The following PHKG1 variants were observed in gnomAD, a reference collection of about 807,000 sequenced individuals.
PHKG1 encodes the protein phosphorylase b kinase gamma catalytic chain, skeletal muscle/heart isoform.
A neutral mutation model predicts 50.5 loss-of-function variants in PHKG1; 48 were observed. That is an observed-to-expected ratio of 0.95 (90% confidence interval 0.75 to 1.21). The LOEUF (loss-of-function observed/expected upper bound fraction) is 1.21, where lower values mean the gene tolerates loss of function less well. Ranked by LOEUF, PHKG1 falls within the 50% of genes most tolerant of loss-of-function variation. The pLI, the probability that PHKG1 is intolerant of heterozygous loss-of-function variation, is 0.00. For missense variants in PHKG1, 487 were observed against 519.5 expected (o/e 0.94, Z 0.61); for synonymous variants, 204 against 212.8 (o/e 0.96, Z 0.36).
In PHKG1 at chr7:56,087,015, T is replaced by C. The variant is rs149238442; in HGVS notation, c.272A>G (p.Lys91Arg). The C allele has an allele frequency of 4.7e-5, 76 of 1,612,992 alleles. No homozygotes were observed. The highest frequency in any genetic ancestry group is 6.0e-5 in the Non-Finnish European group (71 of 1,179,414). Reference protein sequence around the residue: ...VSGHPNIIQLKDTYETNTFFF... With the variant: ...VSGHPNIIQLRDTYETNTFFF... ...GAAAGTGTTGGTCTCATAAGTGTCC[T>C]TCAGCTGTACTGAAATGGAAATGGC... Residue 91 changes from lysine to arginine, a missense_variant, in exon 4 of 10, where the codon AAG becomes AGG. By Grantham distance (26) the Lys-to-Arg change is conservative. Coordinates refer to ENST00000297373, the MANE Select transcript of PHKG1 (RefSeq NM_006213.5).
rs74594638 is a variant in PHKG1, at chr7:56,086,869, C to T, written c.317+101G>A. On this transcript the variant is annotated intron_variant, in intron 4 of 9. Transcript: ENST00000297373. ...CCGTGATTGTATTTGGCATCCTCAG[C>T]GCAGGAGCTGGCTGTGGTCTCCAGG... 4.1e-4 allele frequency: 367 copies of T among 888,480 alleles called. No homozygotes were observed. In the African/African-American group the frequency reaches 5.0e-3, roughly 12 times the overall value. The allele number at this position is 888,480 out of a possible 1,614,324, so 55.0% of individuals were successfully genotyped here.
At chr7:56,086,680 A>G (rs1353471040) in intron 4 of PHKG1, among the ~76,000 whole-genome samples, 1 of 152,032 alleles carries the variant, frequency 6.6e-6, no homozygotes, top group East Asian at 1.9e-4. Flanking sequence ...GCCCGCCTGT[A>G]GCTAATAATT....
intron 5 of PHKG1, 29 bp downstream of exon 5, chr7:56,083,621 A>G (rs1796123710): frequency 6.4e-7 from 1 of 1,559,790 alleles, no homozygotes. Context: ...CGTGGGAGGG[A>G]GCGGAGAGAA....
At chr7:56,086,083 G>A (rs1177264892) in intron 4 of PHKG1, among the ~76,000 whole-genome samples, 1 of 151,116 alleles carries the variant, frequency 6.6e-6, no homozygotes, top group Non-Finnish European at 1.5e-5. Context: ...GGTGCTGACC[G>A]ACCTTACATC....
chr7:56,082,342 TA>T, intron 6 of PHKG1, 89 bp from the exon 7 acceptor site: 1 of 1,030,038 alleles, frequency 9.7e-7, no homozygotes, highest in Admixed American at 2.1e-5. Flanking sequence ...TCTATAATCC[TA>T]GCACTTTGGG....
Position 56,088,918 on chromosome 7 carries a change from C to T in PHKG1, c.24G>A (p.Pro8=), listed in dbSNP as rs145267350. 4.1e-5 allele frequency: 66 copies of T among 1,613,396 alleles called. No homozygotes were observed. The highest frequency in any genetic ancestry group is 1.6e-4 in the African/African-American group (12 of 74,992). The change falls in exon 2 of 10, where the codon CCG becomes CCA. Residue 8 remains proline, a synonymous_variant. Coordinates refer to ENST00000297373, the MANE Select transcript of PHKG1 (RefSeq NM_006213.5). ...AGAAGTCCTGTGCAGAATGAGAGTC[C>T]GGCAGTGCCTCGTCCCGGGTCATGC... The part of the protein sequence containing the change: MTRDEAL[P]DSHSAQDFYE...
intron 1 of PHKG1, among the ~76,000 whole-genome samples, chr7:56,089,314 C>T (rs1209669861): frequency 2.0e-5 from 3 of 151,606 alleles, no homozygotes; most frequent in South Asian, 4.2e-4. Context: ...GCAGGAGAAT[C>T]GCTTGAACCC....
intron 6 of PHKG1, 38 bp from the exon 7 acceptor site, chr7:56,082,291 C>G (rs1390452766): frequency 2.6e-6 from 4 of 1,528,762 alleles, no homozygotes. Context: ...GTCAGCAGGG[C>G]ACTCAGAAGA....
chr7:56,086,805 A>G, intron 4 of PHKG1, 165 bp downstream of exon 4: 3 of 617,880 alleles, frequency 4.9e-6, no homozygotes, highest in Non-Finnish European at 5.9e-6. Context: ...AGGTTTCCAA[A>G]GCCGGCAGCC....
intron 6 of PHKG1, among the ~76,000 whole-genome samples, chr7:56,082,783 A>ATGGGAACC (rs1796073359): frequency 6.6e-6 from 1 of 152,042 alleles, no homozygotes; most frequent in African/African-American, 2.4e-5. Context: ...AACAAGGGTA[A>ATGGGAACC]TGGGAACCTG....
At chr7:56,089,273 G>A (rs942232782) in intron 1 of PHKG1, among the ~76,000 whole-genome samples, 3 of 151,784 alleles carry the variant, frequency 2.0e-5, no homozygotes, top group Non-Finnish European at 2.9e-5. Flanking sequence ...GGTGGCACAC[G>A]CTTGTAGTCT....
At chr7:56,088,053 TGAGAC>T (rs1796343690) in intron 2 of PHKG1, among the ~76,000 whole-genome samples, 1 of 131,196 alleles carries the variant, frequency 7.6e-6, no homozygotes. Flanking sequence ...TTTTTTTTTT[TGAGAC>T]GGAGTCTCGC....
At chr7:56,090,093 G>GT (rs769633640) in intron 1 of PHKG1, among the ~76,000 whole-genome samples, 1 of 151,982 alleles carries the variant, frequency 6.6e-6, no homozygotes, top group East Asian at 1.9e-4. Context: ...CCTTCCTCAT[G>GT]TTTTTTTGTT....
In PHKG1 at chr7:56,081,746, A is replaced by T; in HGVS notation, c.802T>A (p.Phe268Ile). The T allele has an allele frequency of 1.2e-6, 2 of 1,613,530 alleles. No individual in the cohort carries two copies. The highest frequency in any genetic ancestry group is 1.7e-6 in the Non-Finnish European group (2 of 1,179,672). The change falls in exon 9 of 10, where the codon TTC (phenylalanine) becomes ATC (isoleucine). Residue 268 changes from phenylalanine (F) to isoleucine (I), a missense_variant. By Grantham distance (21) the Phe-to-Ile change is conservative (BLOSUM62 0). Coordinates refer to ENST00000297373, the MANE Select transcript of PHKG1 (RefSeq NM_006213.5). The surrounding 1 kb of genome is among the most constrained non-coding windows in gnomAD (Gnocchi z 4.6). The part of the protein sequence containing the change: ...SDTVKDLVSR[F>I]LVVQPQNRYT... Reference sequence around the variant, plus strand: ...CGGTTCTGGGGTTGCACCACCAGGAATCGGGAGACCTGTGAGAGGAGGAGA... The same window carrying T: ...CGGTTCTGGGGTTGCACCACCAGGATTCGGGAGACCTGTGAGAGGAGGAGA...
At chr7:56,086,498 T>G (rs1331940588) in intron 4 of PHKG1, among the ~76,000 whole-genome samples, 28 of 152,068 alleles carry the variant, frequency 1.8e-4, no homozygotes, top group Admixed American at 1.8e-3. Context: ...TGTTTTGTTT[T>G]TGTTTTTGAG....
intron 1 of PHKG1, among the ~76,000 whole-genome samples, chr7:56,091,198 G>A (rs1367884036): frequency 6.6e-6 from 1 of 151,750 alleles, no homozygotes; most frequent in Non-Finnish European, 1.5e-5. Flanking sequence ...AGGTGACGGA[G>A]TGAGTGAGAC....
chr7:56,081,885 C>T lies in PHKG1; in HGVS notation c.792+8G>A. 6.2e-7 allele frequency: 1 copy of T among 1,613,084 alleles called. No homozygotes were observed. Among genetic ancestry groups the T allele is most frequent in the African/African-American group, 1.3e-5 (1 of 75,036 alleles). On this transcript the variant is annotated splice_region_variant and intron_variant, in intron 8 of 9. Coordinates refer to ENST00000297373, the MANE Select transcript of PHKG1 (RefSeq NM_006213.5). The surrounding 1 kb of genome is among the most constrained non-coding windows in gnomAD (Gnocchi z 4.6). ...TGAGCCCAGGAGCCAGTTGGCCTGG[C>T]CTCTCACCAGGTCCTTCACGGTGTC...
chr7:56,086,613 C>T (rs1167183659), intron 4 of PHKG1, among the ~76,000 whole-genome samples: 8 of 152,074 alleles, frequency 5.3e-5, no homozygotes, highest in African/African-American at 1.4e-4. Flanking sequence ...CTCAGCCTCC[C>T]GCGTAGCTGG....
At chr7:56,084,721 C>G (rs928233645) in intron 4 of PHKG1, among the ~76,000 whole-genome samples, 3 of 152,066 alleles carry the variant, frequency 2.0e-5, no homozygotes, top group African/African-American at 7.2e-5. Context: ...ATCGGCTGTG[C>G]AAGAGTTGCA....
Sources: gnomAD v4.1 joint callset for allele counts (sites outside exome capture counted in the v4.1 genomes callset) on GRCh38, gnomAD v4.1.1 for gene constraint, Gnocchi (gnomAD v3.1) non-coding constraint, MANE v1.5 for transcripts, NCBI Gene and HGNC (gene_info 2026-07-23, HGNC 2026-07-21) for gene names.